Variants in PRTFDC1 observed in about 807,000 individuals in gnomAD.
PRTFDC1 encodes the protein phosphoribosyltransferase domain-containing protein 1.
In PRTFDC1, 38 loss-of-function variants were observed where a neutral mutation model predicts 34.6. That is an observed-to-expected ratio of 1.10 (90% CI 0.85 to 1.44). The LOEUF (loss-of-function observed/expected upper bound fraction) is 1.44, where lower values mean the gene tolerates loss of function less well. PRTFDC1 is among the 40% of genes most tolerant of loss of function. The pLI, the probability that PRTFDC1 is intolerant of heterozygous loss-of-function variation, is 0.00. For missense variants in PRTFDC1, 270 were observed against 283.0 expected (o/e 0.95, Z 0.33); for synonymous variants, 93 against 98.1 (o/e 0.95, Z 0.31).
chr10:24,927,014 C>T (rs1435068147), intron 3 of PRTFDC1, among the ~76,000 whole-genome samples: 1 of 152,072 alleles, frequency 6.6e-6, no homozygotes, highest in East Asian at 1.9e-4. Flanking sequence ...AATAAAAAGG[C>T]TGTAAGGAGT....
In PRTFDC1 at chr10:24,900,279, G is replaced by A. The variant is rs369799583; in HGVS notation, c.340-28216C>T. Reference sequence around the variant, plus strand: ...CCAATACTGAGCAGATGTGAGAAACGGAACATTGCCCTGGTCTTGATTCCC... The same window carrying A: ...CCAATACTGAGCAGATGTGAGAAACAGAACATTGCCCTGGTCTTGATTCCC... On this transcript the variant is annotated intron_variant, in intron 3 of 8. Transcript: ENST00000320152. 1.8e-4 allele frequency among the ~76,000 whole-genome samples: 28 copies of A among 152,336 alleles called. No individual in the cohort carries two copies. The East Asian group carries it at 3.9e-3, about 21-fold the overall frequency.
chr10:24,905,384 C>G (rs952864962), intron 3 of PRTFDC1, among the ~76,000 whole-genome samples: 1 of 143,524 alleles, frequency 7.0e-6, no homozygotes, highest in Non-Finnish European at 1.5e-5. Flanking sequence ...TGCAGTGACA[C>G]GATCTCGGCT....
intron 3 of PRTFDC1, among the ~76,000 whole-genome samples, chr10:24,884,560 T>A (rs1318038834): frequency 2.0e-5 from 3 of 152,222 alleles, no homozygotes; most frequent in African/African-American, 7.2e-5. Context: ...ATATCACAAA[T>A]ACCAAAACAC....
At chr10:24,922,930 C>T (rs979598267) in intron 3 of PRTFDC1, among the ~76,000 whole-genome samples, 9 of 152,208 alleles carry the variant, frequency 5.9e-5, no homozygotes, top group African/African-American at 2.2e-4. Flanking sequence ...AGGAACCGTA[C>T]ACTTCTGTCC....
In PRTFDC1 at chr10:24,856,710, G is replaced by A. The variant is rs77335747; in HGVS notation, c.506+203C>T. On this transcript the variant is annotated intron_variant, in intron 6 of 8. Coordinates refer to ENST00000320152, the MANE Select transcript of PRTFDC1 (RefSeq NM_020200.7). ...ACAGTAAAGAGGAACTCAGAAACAC[G>A]GCAAAGCACGTCTTCTTCCCTTACT... Among the ~76,000 whole-genome samples the A allele has an allele frequency of 2.8e-3, 429 of 151,988 alleles. 1 individual carries two copies. The highest frequency in any genetic ancestry group is 0.01 in the Middle Eastern group (3 of 294).
At chr10:24,927,563 G>C (rs1479146719) in intron 3 of PRTFDC1, among the ~76,000 whole-genome samples, 4 of 151,030 alleles carry the variant, frequency 2.6e-5, no homozygotes, top group Non-Finnish European at 5.9e-5. Context: ...GAGTATTGAA[G>C]TGATATTGCG....
intron 3 of PRTFDC1, among the ~76,000 whole-genome samples, chr10:24,916,265 A>G (rs1037354139): frequency 2.6e-5 from 4 of 152,170 alleles, no homozygotes; most frequent in Non-Finnish European, 5.9e-5. Flanking sequence ...CTCTCACTGC[A>G]ATTACTGCAA....
Position 24,867,803 on chromosome 10 carries a change from AT to A in PRTFDC1, c.405+4194del, listed in dbSNP as rs34324957. The A allele has an allele frequency of 2.7e-3, 359 of 134,068 alleles. 1 individual carries two copies. The highest frequency in any genetic ancestry group is 0.019 in the East Asian group (88 of 4,624). The allele number at this position is 134,068 out of a possible 1,614,324, so 8.3% of individuals were successfully genotyped here. A position where few individuals can be genotyped will look rare whatever the true frequency, so the allele number is the denominator to read the frequency against. On this transcript the variant is annotated intron_variant, in intron 4 of 8. Coordinates refer to ENST00000320152, the MANE Select transcript of PRTFDC1 (RefSeq NM_020200.7). ...TTTTGGTGGGGTTTTTGTAGGTTTA[AT>A]TTTTTTTTTTTTTTTTTTAGACAGG... is the stretch of plus-strand genomic sequence containing the variant.
At chr10:24,926,095 A>G (rs1023264054) in intron 3 of PRTFDC1, among the ~76,000 whole-genome samples, 10 of 152,094 alleles carry the variant, frequency 6.6e-5, no homozygotes, top group African/African-American at 2.2e-4. Flanking sequence ...TTCCTCTTCC[A>G]CAGATCCAGG....
At chr10:24,885,311 C>G (rs1029929072) in intron 3 of PRTFDC1, among the ~76,000 whole-genome samples, 4 of 152,230 alleles carry the variant, frequency 2.6e-5, no homozygotes, top group African/African-American at 9.6e-5. Context: ...AATCCTAACA[C>G]AGTCCTATGA....
intron 4 of PRTFDC1, among the ~76,000 whole-genome samples, chr10:24,865,244 T>C (rs12252087): frequency 1.5e-3 from 222 of 152,328 alleles, no homozygotes; most frequent in African/African-American, 4.7e-3. Flanking sequence ...CTCTGGTTCA[T>C]TGTATTTCTG....
At chr10:24,927,883 A>G (rs1413167606) in intron 3 of PRTFDC1, among the ~76,000 whole-genome samples, 3 of 152,136 alleles carry the variant, frequency 2.0e-5, no homozygotes, top group East Asian at 3.9e-4. Flanking sequence ...CACCCGGCAC[A>G]GGACCCAAGA....
chr10:24,857,683 G>A (rs1308800256), intron 5 of PRTFDC1, among the ~76,000 whole-genome samples: 1 of 152,066 alleles, frequency 6.6e-6, no homozygotes, highest in Non-Finnish European at 1.5e-5. Flanking sequence ...CTACTCCATG[G>A]GTTATACTGA....
intron 3 of PRTFDC1, among the ~76,000 whole-genome samples, chr10:24,879,346 A>C (rs942025547): frequency 7.0e-6 from 1 of 143,444 alleles, no homozygotes; most frequent in Non-Finnish European, 1.5e-5. Flanking sequence ...GTATTTGCTG[A>C]TTTTTTTTTT....
chr10:24,929,556 A>C (rs953919702), intron 3 of PRTFDC1, among the ~76,000 whole-genome samples: 2 of 152,174 alleles, frequency 1.3e-5, no homozygotes, highest in Non-Finnish European at 2.9e-5. Context: ...AATAACATTC[A>C]TCCTCAATTT....
chr10:24,941,955 A>G (rs1417894385), intron 2 of PRTFDC1, among the ~76,000 whole-genome samples: 1 of 152,176 alleles, frequency 6.6e-6, no homozygotes, highest in Admixed American at 6.5e-5. Context: ...TTGTCAACTG[A>G]GAGACAAAAA....
intron 4 of PRTFDC1, among the ~76,000 whole-genome samples, chr10:24,865,031 G>T (rs190521789): frequency 5.7e-4 from 87 of 152,256 alleles, no homozygotes; most frequent in Non-Finnish European, 1.1e-3. Flanking sequence ...CACAAGAATT[G>T]CTTAAACCGG....
At chr10:24,883,811 A>C (rs2132529327) in intron 3 of PRTFDC1, among the ~76,000 whole-genome samples, 1 of 138,560 alleles carries the variant, frequency 7.2e-6, no homozygotes, top group Non-Finnish European at 1.5e-5. Flanking sequence ...ATCATTTCTT[A>C]AGAGACCTTT....
At chr10:24,889,622 G>A (rs1172727503) in intron 3 of PRTFDC1, among the ~76,000 whole-genome samples, 1 of 152,204 alleles carries the variant, frequency 6.6e-6, no homozygotes, top group African/African-American at 2.4e-5. Context: ...AGTGTTTTAT[G>A]CATTGTTATT....
Sources: gnomAD v4.1 joint callset for allele counts (sites outside exome capture counted in the v4.1 genomes callset) on GRCh38, gnomAD v4.1.1 for gene constraint, MANE v1.5 for transcripts, NCBI Gene and HGNC (gene_info 2026-07-23, HGNC 2026-07-21) for gene names.